Variants in PCDHGB4 observed in about 807,000 individuals in gnomAD.
The protein encoded by PCDHGB4 is protocadherin gamma subfamily B, 4, also known as protocadherin gamma-B4.
In PCDHGB4, 38 loss-of-function variants were observed where a neutral mutation model predicts 60.5. That is an observed-to-expected ratio of 0.63 (90% CI 0.48 to 0.82). The LOEUF (loss-of-function observed/expected upper bound fraction) is 0.82. Among genes scored for constraint, PCDHGB4 ranks in the 40% least tolerant of loss-of-function variants. The pLI, the probability that PCDHGB4 is intolerant of heterozygous loss-of-function variation, is 0.00. For missense variants in PCDHGB4, 1,109 were observed against 1,209.6 expected, an observed-to-expected ratio of 0.92 and a Z score of 1.23; for synonymous variants, 456 against 509.7, an observed-to-expected ratio of 0.89 and a Z score of 1.42.
intron 1 of PCDHGB4, chr5:141,415,325 C>G: frequency 6.2e-7 from 1 of 1,614,212 alleles, no homozygotes; most frequent in Non-Finnish European, 8.5e-7. Flanking sequence ...GTGCTGCTGG[C>G]GCACAGGCTG....
rs530139788 is a variant in PCDHGB4, at chr5:141,509,165, C to A, written c.2546-1782C>A. On this transcript the variant is annotated intron_variant, in intron 3 of 3. Coordinates refer to ENST00000519479, the MANE Select transcript of PCDHGB4 (RefSeq NM_003736.4). ...TCCCGGCTCTCCCCTCCCGTGTGCC[C>A]TCCTCCTCTTATGCCGGCTTGAAAA... Among the ~76,000 whole-genome samples the A allele has an allele frequency of 1.4e-4, 21 of 152,332 alleles. No individual in the cohort carries two copies. In the South Asian group the frequency reaches 4.1e-3, roughly 30 times the overall value.
At chr5:141,402,458 T>C (rs886690950) in intron 1 of PCDHGB4, among the ~76,000 whole-genome samples, 2 of 152,178 alleles carry the variant, frequency 1.3e-5, no homozygotes, top group Non-Finnish European at 2.9e-5. Flanking sequence ...ATAGTTTACA[T>C]ATCTAGAAAT....
intron 1 of PCDHGB4, chr5:141,398,820 G>T (rs1376527266): frequency 1.2e-6 from 2 of 1,613,854 alleles, no homozygotes; most frequent in African/African-American, 2.7e-5. Flanking sequence ...TCCGGATCCA[G>T]GTAACCGACG....
intron 1 of PCDHGB4, among the ~76,000 whole-genome samples, chr5:141,456,691 G>A (rs564429451): frequency 3.3e-5 from 5 of 152,234 alleles, no homozygotes; most frequent in South Asian, 4.1e-4. Flanking sequence ...CTGGCCAGGC[G>A]TGGTGGCTCG....
chr5:141,501,897 C>T (rs796164763), intron 2 of PCDHGB4, among the ~76,000 whole-genome samples: 17 of 152,230 alleles, frequency 1.1e-4, no homozygotes, highest in African/African-American at 3.4e-4. Flanking sequence ...ATCATGGTTC[C>T]AACCCCACTG....
At chr5:141,413,873 G>A (rs544856148) in intron 1 of PCDHGB4, 4 of 1,613,372 alleles carry the variant, frequency 2.5e-6, no homozygotes, top group Admixed American at 1.7e-5. Context: ...GTCCTTGTCA[G>A]TGTGACTGTC....
chr5:141,405,238 C>T, intron 1 of PCDHGB4: 1 of 1,614,168 alleles, frequency 6.2e-7, no homozygotes, highest in African/African-American at 1.3e-5. Flanking sequence ...TCACCGCTGA[C>T]TCAAGGAAGA....
chr5:141,419,350 G>T lies in PCDHGB4; in HGVS notation c.2397+29069G>T, dbSNP rs202038869. 1.1e-4 allele frequency: 173 copies of T among 1,613,730 alleles called. 2 individuals are homozygous for T. The highest frequency in any genetic ancestry group is 2.3e-4 in the Admixed American group (14 of 60,012). ...ACTCTCTCATTGCCAGCGACCTGGA[G>T]TCACGAACGCTGTCGTCCTACGTGT... On this transcript the variant is annotated intron_variant, in intron 1 of 3. Transcript: ENST00000519479.
intron 1 of PCDHGB4, among the ~76,000 whole-genome samples, chr5:141,459,184 G>GC (rs2098963022): frequency 6.6e-6 from 1 of 152,134 alleles, no homozygotes; most frequent in South Asian, 2.1e-4. Flanking sequence ...GTTCCCTCAT[G>GC]CCCCTTTGCA....
At chr5:141,422,690 T>G (rs1384522137) in intron 1 of PCDHGB4, 1 of 1,603,908 alleles carries the variant, frequency 6.2e-7, no homozygotes, top group Admixed American at 1.7e-5. Context: ...AATGCCCTGG[T>G]CACTTACTCT....
At chr5:141,447,313 T>C (rs2098534296) in intron 1 of PCDHGB4, among the ~76,000 whole-genome samples, 1 of 152,146 alleles carries the variant, frequency 6.6e-6, no homozygotes, top group African/African-American at 2.4e-5. Context: ...CTAATTTTTG[T>C]ATTTTTAGTA....
Position 141,389,732 on chromosome 5 carries a change from C to T in PCDHGB4, c.1848C>T (p.Ser616=), listed in dbSNP as rs765577336. 11 of 1,612,674 alleles carry T rather than the reference C, an allele frequency of 6.8e-6. No homozygotes were observed. The South Asian group carries it at 1.2e-4, about 18-fold the overall frequency. ...AGGCTAGCGAGCCCGGGCTCTTCAGCCTGGGGCTGCGCACGGGCGAAGTGC... is the reference window on the plus strand; with the variant it reads ...AGGCTAGCGAGCCCGGGCTCTTCAGTCTGGGGCTGCGCACGGGCGAAGTGC... ...VLQASEPGLF[S]LGLRTGEVRT... The change falls in exon 1 of 4, where the codon AGC becomes AGT. Residue 616 remains serine (S), a synonymous_variant. Transcript: ENST00000519479.
intron 1 of PCDHGB4, chr5:141,393,596 G>T (rs775299518): frequency 1.2e-6 from 2 of 1,613,900 alleles, no homozygotes; most frequent in Non-Finnish European, 8.5e-7. Context: ...GCACGCGGCT[G>T]CTTACTGTAA....
intron 1 of PCDHGB4, chr5:141,411,445 G>A (rs926329934): frequency 1.3e-5 from 2 of 151,656 alleles, no homozygotes; most frequent in South Asian, 2.1e-4. Flanking sequence ...TTAGCAGAGT[G>A]TGGTAGCATT....
rs1561623119 is a variant in PCDHGB4 at position 141,389,119 on chromosome 5, A to G, written c.1235A>G (p.Gln412Arg). ...ACAGATGCTGTTCTAGACCGCGAGC[A>G]GAATCCAGAGTACAATATAACCGTT... The part of the protein sequence containing the change: ...LVTDAVLDRE[Q>R]NPEYNITVTA... Residue 412 changes from glutamine to arginine, a missense_variant, in exon 1 of 4, where the codon CAG becomes CGG. Coordinates refer to ENST00000519479, the MANE Select transcript of PCDHGB4 (RefSeq NM_003736.4). The G allele has an allele frequency of 9.9e-6, 16 of 1,614,066 alleles. No individual in the cohort carries two copies. Among genetic ancestry groups the G allele is most frequent in the Admixed American group, 1.7e-5 (1 of 60,036 alleles).
At chr5:141,458,899 T>A (rs1398965632) in intron 1 of PCDHGB4, among the ~76,000 whole-genome samples, 2 of 152,106 alleles carry the variant, frequency 1.3e-5, no homozygotes, top group African/African-American at 2.4e-5. Context: ...GCGCAGCTAA[T>A]TTTTTCTATT....
chr5:141,457,233 T>G (rs1038193595), intron 1 of PCDHGB4, among the ~76,000 whole-genome samples: 9 of 152,208 alleles, frequency 5.9e-5, no homozygotes, highest in African/African-American at 2.2e-4. Flanking sequence ...AATTTCCATC[T>G]AAAATTTTAC....
At chr5:141,496,617 A>G (rs2099769939) in intron 2 of PCDHGB4, among the ~76,000 whole-genome samples, 2 of 152,236 alleles carry the variant, frequency 1.3e-5, no homozygotes, top group Admixed American at 1.3e-4. Flanking sequence ...AAAAAGCAGC[A>G]GATCAAAAGG....
intron 1 of PCDHGB4, among the ~76,000 whole-genome samples, chr5:141,465,407 A>G (rs1019401245): frequency 6.6e-6 from 1 of 152,218 alleles, no homozygotes; most frequent in African/African-American, 2.4e-5. Flanking sequence ...AGAAGAAGCC[A>G]AATCAGCACT....
Sources: gnomAD v4.1 joint callset for allele counts (sites outside exome capture counted in the v4.1 genomes callset) on GRCh38, gnomAD v4.1.1 for gene constraint, MANE v1.5 for transcripts, NCBI Gene and HGNC (gene_info 2026-07-23, HGNC 2026-07-21) for gene names.